PGM2L1: variants seen among roughly 807,000 people sequenced by gnomAD.
The protein encoded by PGM2L1 is phosphoglucomutase 2 like 1.
A neutral mutation model predicts 73.4 loss-of-function variants in PGM2L1; 35 were observed. That is an observed-to-expected ratio of 0.48 (90% confidence interval 0.36 to 0.63). PGM2L1 has a LOEUF of 0.63. PGM2L1 is among the 30% of genes least tolerant of loss of function. The pLI is 0.00. For missense variants in PGM2L1, 570 were observed against 742.0 expected (o/e 0.77, Z 2.69); for synonymous variants, 225 against 253.8 (o/e 0.89, Z 1.08).
In PGM2L1 at chr11:74,364,982, AACCAAAACAGCATGGTACTGGT is replaced by A. The variant is rs764586768; in HGVS notation, c.555+3488_555+3509del. ...TCAAACTATACTACAAGGCTACAGTAACCAAAACAGCATGGTACTGGTACCAAAACAGAAATATAGACCAATG... is the reference window on the plus strand; with the variant it reads ...TCAAACTATACTACAAGGCTACAGTAACCAAAACAGAAATATAGACCAATG... On this transcript the variant is annotated intron_variant, in intron 5 of 13. Coordinates refer to ENST00000298198, the MANE Select transcript of PGM2L1 (RefSeq NM_173582.6). 4.0e-3 allele frequency among the ~76,000 whole-genome samples: 602 copies of A among 152,254 alleles called. 1 individual carries two copies. The highest frequency in any genetic ancestry group is 6.1e-3 in the Non-Finnish European group (416 of 68,010).
chr11:74,351,344 A>C, intron 6 of PGM2L1, 39 bp downstream of exon 6: 1 of 1,531,776 alleles, frequency 6.5e-7, no homozygotes, highest in South Asian at 1.2e-5. Flanking sequence ...CTTTAACGTT[A>C]TTCTGAAGTA....
intron 12 of PGM2L1, among the ~76,000 whole-genome samples, chr11:74,340,933 A>T (rs549701932): frequency 1.3e-5 from 2 of 152,172 alleles, no homozygotes; most frequent in African/African-American, 2.4e-5. Flanking sequence ...GCAGAAATTT[A>T]AAAAAAATGT....
chr11:74,346,939 T>C, intron 7 of PGM2L1, 110 bp from the exon 8 acceptor site: 1 of 1,030,980 alleles, frequency 9.7e-7, no homozygotes, highest in South Asian at 1.4e-5. Context: ...AGGCATAGAA[T>C]TCAGCTACGT....
At chr11:74,341,740 C>T in intron 12 of PGM2L1, among the ~76,000 whole-genome samples, 1 of 147,072 alleles carries the variant, frequency 6.8e-6, no homozygotes, top group East Asian at 2.0e-4. Context: ...ATCAGAGCCA[C>T]AAAGTACAGG....
chr11:74,390,844 G>A (rs1336403801), intron 1 of PGM2L1, among the ~76,000 whole-genome samples: 1 of 152,162 alleles, frequency 6.6e-6, no homozygotes, highest in African/African-American at 2.4e-5. Flanking sequence ...AGTGAAATAA[G>A]CTAGTCATAG....
intron 5 of PGM2L1, among the ~76,000 whole-genome samples, chr11:74,351,930 C>A (rs1480862826): frequency 6.7e-6 from 1 of 149,536 alleles, no homozygotes; most frequent in Non-Finnish European, 1.5e-5. Flanking sequence ...CCACCACACT[C>A]CAGCCTGAGC....
At chr11:74,372,323 G>A (rs1360994867) in intron 2 of PGM2L1, among the ~76,000 whole-genome samples, 5 of 152,066 alleles carry the variant, frequency 3.3e-5, no homozygotes, top group Non-Finnish European at 7.4e-5. Flanking sequence ...TCTTATGATG[G>A]ATGATCCCAT....
intron 12 of PGM2L1, among the ~76,000 whole-genome samples, chr11:74,340,691 G>T (rs1248914929): frequency 1.3e-5 from 2 of 152,096 alleles, no homozygotes; most frequent in Non-Finnish European, 2.9e-5. Flanking sequence ...ACTTGGTGAG[G>T]CAAAAAAGTA....
intron 1 of PGM2L1, among the ~76,000 whole-genome samples, chr11:74,392,457 T>G (rs1222010071): frequency 6.6e-6 from 1 of 151,956 alleles, no homozygotes; most frequent in Non-Finnish European, 1.5e-5. Context: ...CCAAAGCAAC[T>G]GTTCAGCTCT....
In PGM2L1 at chr11:74,370,887, A is replaced by G. The variant is rs1862740435; in HGVS notation, c.471+15T>C. 1 of 1,589,494 alleles carries G rather than the reference A, an allele frequency of 6.3e-7. No individual in the cohort carries two copies. Among genetic ancestry groups the G allele is most frequent in the African/African-American group, 1.3e-5 (1 of 74,288 alleles). On this transcript the variant is annotated intron_variant, in intron 4 of 13. Coordinates refer to ENST00000298198, the MANE Select transcript of PGM2L1 (RefSeq NM_173582.6). ...AGAGCAGCAAGCTATATGATCACCA[A>G]CACAACACACTTACTACAAAAGGTG...
intron 2 of PGM2L1, among the ~76,000 whole-genome samples, chr11:74,372,161 A>T (rs1294342039): frequency 6.6e-6 from 1 of 152,062 alleles, no homozygotes; most frequent in Non-Finnish European, 1.5e-5. Flanking sequence ...AAGAGCCAAC[A>T]TAAAATTGTT....
chr11:74,345,122 G>GT (rs922281441), intron 9 of PGM2L1, among the ~76,000 whole-genome samples: 1 of 152,126 alleles, frequency 6.6e-6, no homozygotes, highest in African/African-American at 2.4e-5. Context: ...TGAACAAGGG[G>GT]TTGATGACAC....
intron 5 of PGM2L1, among the ~76,000 whole-genome samples, chr11:74,352,684 C>T (rs879594290): frequency 1.3e-5 from 2 of 152,136 alleles, no homozygotes; most frequent in Non-Finnish European, 2.9e-5. Context: ...AACCTGTTCT[C>T]TATAAACACC....
rs60883108 is a variant in PGM2L1 at position 74,395,549 on chromosome 11, CTTTTTTTTTTT to C, written c.111+2491_111+2501del. On this transcript the variant is annotated intron_variant, in intron 1 of 13. Transcript: ENST00000298198. ...TACAGGCACGTGACACCTCGCCTGG[CTTTTTTTTTTT>C]TTTTTTTTTTTTTTTTTTGTATTTT... Among the ~76,000 whole-genome samples, 5 of 64,944 alleles carry C rather than the reference CTTTTTTTTTTT, an allele frequency of 7.7e-5. No individual in the cohort carries two copies. In the East Asian group the frequency reaches 2.0e-3, roughly 26 times the overall value. 42.6% of individuals were successfully genotyped at this position (64,944 alleles called of 152,430 possible). A position where few individuals can be genotyped will look rare whatever the true frequency, so the allele number is the denominator to read the frequency against.
At chr11:74,354,562 AC>A in intron 5 of PGM2L1, 2 of 1,153,242 alleles carry the variant, frequency 1.7e-6, no homozygotes, top group Admixed American at 1.7e-5. Context: ...GGGAATGCTC[AC>A]GAACTGTGTG....
At position 74,340,302 on chromosome 11, in the gene PGM2L1, G is replaced by C. The variant is rs1382655574; in HGVS notation, c.1633-1701C>G. 1.3e-5 allele frequency among the ~76,000 whole-genome samples: 2 copies of C among 152,298 alleles called. 1 individual carries two copies. The highest frequency in any genetic ancestry group is 4.1e-4 in the South Asian group (2 of 4,824). The stretch of plus-strand genomic sequence containing the variant: ...TATTATACACTTTAACGAGAATTAA[G>C]AGGGAGAAAAGCATTATACCATAGG... On this transcript the variant is annotated intron_variant, in intron 12 of 13. Transcript: ENST00000298198.
chr11:74,348,589 G>A (rs1190735198), intron 6 of PGM2L1, among the ~76,000 whole-genome samples: 1 of 152,074 alleles, frequency 6.6e-6, no homozygotes, highest in Non-Finnish European at 1.5e-5. Flanking sequence ...TTCCCCAAGT[G>A]TCTCAAAAAT....
At chr11:74,353,469 C>G (rs1319901861) in intron 5 of PGM2L1, among the ~76,000 whole-genome samples, 1 of 151,604 alleles carries the variant, frequency 6.6e-6, no homozygotes. Flanking sequence ...TTTTCCTAGG[C>G]AGAGGACCCT....
At chr11:74,370,679 T>G (rs1385469077) in intron 4 of PGM2L1, among the ~76,000 whole-genome samples, 5 of 152,266 alleles carry the variant, frequency 3.3e-5, no homozygotes. Context: ...CATATTTCAC[T>G]ATAACTGTAG....
Sources: gnomAD v4.1 joint callset for allele counts (sites outside exome capture counted in the v4.1 genomes callset) on GRCh38, gnomAD v4.1.1 for gene constraint, MANE v1.5 for transcripts, NCBI Gene and HGNC (gene_info 2026-07-23, HGNC 2026-07-21) for gene names.